Variants in MEI4 observed in about 807,000 individuals in gnomAD.
MEI4 encodes the protein meiotic double-stranded break formation protein 4, also known as meiosis-specific protein MEI4.
A neutral mutation model predicts 31.4 loss-of-function variants in MEI4; 27 were observed. That is an observed-to-expected ratio of 0.86 (90% CI 0.63 to 1.19). MEI4 has a LOEUF of 1.19. MEI4 is among the 50% of genes most tolerant of loss of function. MEI4 has a pLI of 0.00. For missense variants in MEI4, 329 were observed against 398.9 expected (o/e 0.82, Z 1.49); for synonymous variants, 122 against 145.4 (o/e 0.84, Z 1.16).
chr6:77,691,351 A>C (rs1199974474), intron 2 of MEI4, among the ~76,000 whole-genome samples: 1 of 152,016 alleles, frequency 6.6e-6, no homozygotes, highest in African/African-American at 2.4e-5. Flanking sequence ...AGGTGTATAA[A>C]TAATTAACCT....
At chr6:77,895,971 T>G (rs1766075814) in intron 4 of MEI4, among the ~76,000 whole-genome samples, 1 of 152,136 alleles carries the variant, frequency 6.6e-6, no homozygotes, top group African/African-American at 2.4e-5. Context: ...ATGATGGAAG[T>G]CCAGACTAAC....
chr6:77,670,078 A>G (rs774990160), intron 1 of MEI4, among the ~76,000 whole-genome samples: 1 of 152,146 alleles, frequency 6.6e-6, no homozygotes, highest in Non-Finnish European at 1.5e-5. Flanking sequence ...ATACCTTCGC[A>G]AGACAGACCC....
rs144316405 is a variant in MEI4, at chr6:77,701,895, C to G, written c.232+10992C>G. On this transcript the variant is annotated intron_variant, in intron 2 of 4. Transcript: ENST00000684080. ...TGAACTGAGTTTTAAGTTTTGGGTC[C>G]CGAGAAACAACCAACCCAGCCAGAT... 3.4e-3 allele frequency among the ~76,000 whole-genome samples: 514 copies of G among 151,994 alleles called. 2 individuals are homozygous for G. The highest frequency in any genetic ancestry group is 0.012 in the African/African-American group (500 of 41,372).
chr6:77,741,975 C>T lies in MEI4; in HGVS notation c.233-19155C>T, dbSNP rs189045303. On this transcript the variant is annotated intron_variant, in intron 2 of 4. Transcript: ENST00000684080. The stretch of plus-strand genomic sequence containing the variant: ...CATCATTTTTTATGGCTGCATAGTA[C>T]TCCATGGTGTATATGTGCCACATTT... Among the ~76,000 whole-genome samples, 585 of 151,942 alleles carry T rather than the reference C, an allele frequency of 3.9e-3. 7 individuals carry two copies. The East Asian group carries it at 0.041, about 11-fold the overall frequency.
rs1413550453 is a variant in MEI4, at chr6:77,794,279, T to A, written c.768+32614T>A. On this transcript the variant is annotated intron_variant, in intron 3 of 4. Coordinates refer to ENST00000684080, the MANE Select transcript of MEI4 (RefSeq NM_001322247.2). ...GTTGTTAACATTTAATAATCTAACA[T>A]CAGGCCAGGCGCGGTGGCTGAAGCC... 3.9e-5 allele frequency among the ~76,000 whole-genome samples: 6 copies of A among 152,036 alleles called. No homozygotes were observed. The South Asian group carries it at 8.3e-4, about 21-fold the overall frequency.
intron 4 of MEI4, among the ~76,000 whole-genome samples, chr6:77,849,591 G>GGTGCTT (rs1216504739): frequency 6.6e-6 from 1 of 152,078 alleles, no homozygotes; most frequent in Non-Finnish European, 1.5e-5. Flanking sequence ...TTTTCTTGAT[G>GGTGCTT]GTGCTTAGAT....
intron 1 of MEI4, among the ~76,000 whole-genome samples, chr6:77,686,811 A>G (rs1562205824): frequency 6.6e-6 from 1 of 150,820 alleles, no homozygotes; most frequent in African/African-American, 2.4e-5. Flanking sequence ...TTAGGAAAAT[A>G]TCCTCCTGAA....
chr6:77,913,998 C>A (rs1766487787), intron 4 of MEI4, among the ~76,000 whole-genome samples: 1 of 148,380 alleles, frequency 6.7e-6, no homozygotes, highest in Non-Finnish European at 1.5e-5. Context: ...CATGCCACTG[C>A]ACTCCATCCT....
chr6:77,705,529 G>T (rs1766312630), intron 2 of MEI4, among the ~76,000 whole-genome samples: 1 of 152,142 alleles, frequency 6.6e-6, no homozygotes, highest in Non-Finnish European at 1.5e-5. Flanking sequence ...ACATGAATTT[G>T]AGTGAATTCC....
intron 4 of MEI4, among the ~76,000 whole-genome samples, chr6:77,852,973 C>A (rs777457828): frequency 6.6e-6 from 1 of 152,008 alleles, no homozygotes; most frequent in Non-Finnish European, 1.5e-5. Flanking sequence ...CCGAGGCAGG[C>A]GGATCACCTG....
chr6:77,732,347 C>T (rs1011863377), intron 2 of MEI4, among the ~76,000 whole-genome samples: 2 of 151,964 alleles, frequency 1.3e-5, no homozygotes, highest in African/African-American at 4.8e-5. Flanking sequence ...CCTTCACATC[C>T]CTTGTAATTT....
chr6:77,764,405 A>C (rs1406408004), intron 3 of MEI4, among the ~76,000 whole-genome samples: 1 of 151,484 alleles, frequency 6.6e-6, no homozygotes, highest in Non-Finnish European at 1.5e-5. Context: ...GCAAACTCTT[A>C]TTTTTTTTAT....
At chr6:77,737,755 A>T (rs567902583) in intron 2 of MEI4, among the ~76,000 whole-genome samples, 1 of 152,182 alleles carries the variant, frequency 6.6e-6, no homozygotes, top group Non-Finnish European at 1.5e-5. Context: ...GAGAGATAGG[A>T]TCAATATCAT....
In MEI4 at chr6:77,923,161, CA is replaced by C; in HGVS notation, c.977del (p.Lys326ArgfsTer11). 1 of 1,230,536 alleles carries C rather than the reference CA, an allele frequency of 8.1e-7. No homozygotes were observed. Among genetic ancestry groups the C allele is most frequent in the Non-Finnish European group, 1.0e-6 (1 of 986,926 alleles). The allele number at this position is 1,230,536 out of a possible 1,614,324, so 76.2% of individuals were successfully genotyped here. ...GTTCTGGGTTCTGGAGCAGCTTCTT[CA>C]AAAGGAAACCGAAGAAGGCAACACT... ...YLFWVLEQLLQKETEEGNTSS... is the reference protein window; with the variant it reads ...YLFWVLEQLLXKETEEGNTSS... On this transcript the variant is annotated frameshift_variant, in exon 5 of 5. Transcript: ENST00000684080. LOFTEE classifies it high-confidence loss of function.
intron 4 of MEI4, among the ~76,000 whole-genome samples, chr6:77,860,704 A>G (rs73461165): frequency 0.048 from 7,287 of 152,100 alleles, 436 homozygotes; most frequent in African/African-American, 0.14. Context: ...GTACATGTAT[A>G]TTGAATATCA....
intron 1 of MEI4, among the ~76,000 whole-genome samples, chr6:77,663,890 G>T (rs1482367831): frequency 6.6e-6 from 1 of 152,190 alleles, no homozygotes; most frequent in African/African-American, 2.4e-5. Context: ...CAGGGGCTCT[G>T]GGAGTGGCTG....
chr6:77,884,598 T>G (rs1040998632), intron 4 of MEI4, among the ~76,000 whole-genome samples: 1 of 152,212 alleles, frequency 6.6e-6, no homozygotes, highest in Non-Finnish European at 1.5e-5. Context: ...CAGCACCATT[T>G]ATTGAAGAGA....
At chr6:77,834,906 C>T (rs1043410261) in intron 4 of MEI4, among the ~76,000 whole-genome samples, 1 of 152,096 alleles carries the variant, frequency 6.6e-6, no homozygotes, top group African/African-American at 2.4e-5. Context: ...TAGTAAGATA[C>T]ACTTCCCACA....
chr6:77,897,472 A>C (rs4370325), intron 4 of MEI4, among the ~76,000 whole-genome samples: 125,399 of 151,862 alleles, frequency 0.83, 52,294 homozygotes, highest in East Asian at 0.95. Flanking sequence ...ATGAGAAAAT[A>C]ATTATTTTTA....
Sources: allele counts gnomAD v4.1 joint callset (sites outside exome capture counted in the v4.1 genomes callset), GRCh38; gene constraint gnomAD v4.1.1; transcripts MANE v1.5; gene names NCBI Gene and HGNC (gene_info 2026-07-23, HGNC 2026-07-21).